The following LRRFIP1 variants were observed in gnomAD, a reference collection of about 807,000 sequenced individuals.
The protein encoded by LRRFIP1 is leucine-rich repeat flightless-interacting protein 1.
Under a neutral mutation model 104.4 loss-of-function variants are expected in LRRFIP1, and 62 were observed. The observed-to-expected ratio is 0.59, with a 90% CI of 0.48 to 0.73. The LOEUF is 0.73. Among genes scored for constraint, LRRFIP1 ranks in the 30% least tolerant of loss-of-function variants. The pLI is 0.00. For missense variants in LRRFIP1, 796 were observed against 824.5 expected, an observed-to-expected ratio of 0.97 and a Z score of 0.42; for synonymous variants, 300 against 299.0, an observed-to-expected ratio of 1.00 and a Z score of -0.03.
At chr2:237,769,052 C>T (rs1244906221) in intron 19 of LRRFIP1, 1 of 152,274 alleles carries the variant, frequency 6.6e-6, no homozygotes, top group African/African-American at 2.4e-5. Flanking sequence ...TGAGCCTCAT[C>T]TATAGAAGGA....
intron 1 of LRRFIP1, among the ~76,000 whole-genome samples, chr2:237,641,846 A>T (rs1030304330): frequency 6.6e-6 from 1 of 152,180 alleles, no homozygotes; most frequent in African/African-American, 2.4e-5. Flanking sequence ...TTTTTGAGTT[A>T]TTTCAGATAA....
intron 7 of LRRFIP1, among the ~76,000 whole-genome samples, chr2:237,725,540 A>G (rs2094711260): frequency 6.6e-6 from 1 of 152,234 alleles, no homozygotes; most frequent in Non-Finnish European, 1.5e-5. Flanking sequence ...AAGAGGAGAA[A>G]GTTAGCAGTG....
chr2:237,751,418 G>A (rs562890167), intron 14 of LRRFIP1, 147 bp downstream of exon 14: 79 of 650,384 alleles, frequency 1.2e-4, no homozygotes, highest in Non-Finnish European at 1.8e-4. Flanking sequence ...AGGAGTGCCG[G>A]CATGGGTGTA....
chr2:237,763,170 A>G (rs1474578054), intron 19 of LRRFIP1: 21 of 1,614,086 alleles, frequency 1.3e-5, no homozygotes, highest in Non-Finnish European at 1.8e-5. Context: ...GAGCCCAAGG[A>G]GGTTCCAGCG....
chr2:237,704,840 G>C (rs1178618149), intron 1 of LRRFIP1, among the ~76,000 whole-genome samples: 1 of 152,192 alleles, frequency 6.6e-6, no homozygotes, highest in Non-Finnish European at 1.5e-5. Context: ...TCCCCATGAG[G>C]AATTGATGCC....
chr2:237,718,880 GTTAAATC>G (rs138389679), intron 4 of LRRFIP1, among the ~76,000 whole-genome samples: 2,281 of 152,106 alleles, frequency 0.015, 20 homozygotes, highest in Non-Finnish European at 0.023. Flanking sequence ...ATGTATTTTT[GTTAAATC>G]TTAAGACATT....
In LRRFIP1 at chr2:237,711,564, ACTT is replaced by A. The variant is rs1478480684; in HGVS notation, c.184-2690_184-2688del. ...CGGCTTCCTCATCACCGATGCCTGC[ACTT>A]CTTCCCTCACGACCGTGGCTTGCGG... On this transcript the variant is annotated intron_variant, in intron 2 of 23. Transcript: ENST00000308482. This position sits in a 1 kb window ranked among gnomAD's most constrained non-coding sequence, Gnocchi z 4.4. Among the ~76,000 whole-genome samples the A allele has an allele frequency of 1.3e-5, 2 of 152,168 alleles. No individual in the cohort carries two copies. Among genetic ancestry groups the A allele is most frequent in the African/African-American group, 4.8e-5 (2 of 41,440 alleles).
chr2:237,671,097 G>A (rs554466637), intron 1 of LRRFIP1, among the ~76,000 whole-genome samples: 15 of 152,186 alleles, frequency 9.9e-5, no homozygotes, highest in Admixed American at 3.9e-4. Flanking sequence ...TGCATATGAA[G>A]AGTCCAGAGA....
chr2:237,730,437 T>C (rs1006349448), intron 8 of LRRFIP1, among the ~76,000 whole-genome samples: 3 of 152,162 alleles, frequency 2.0e-5, no homozygotes, highest in Admixed American at 1.3e-4. Flanking sequence ...GGGACTAGTT[T>C]AGGTAGGAAA....
intron 19 of LRRFIP1, chr2:237,763,452 A>T: frequency 6.2e-7 from 1 of 1,613,448 alleles, no homozygotes; most frequent in Non-Finnish European, 8.5e-7. Context: ...AAGAAGAAAA[A>T]ATCCCCAGTA....
At chr2:237,770,072 C>T in intron 20 of LRRFIP1, 80 bp downstream of exon 20, 1 of 1,110,414 alleles carries the variant, frequency 9.0e-7, no homozygotes, top group Non-Finnish European at 1.3e-6. Context: ...CTTGCTTACT[C>T]AGAAAACCCC....
At chr2:237,654,966 A>T (rs561679224) in intron 1 of LRRFIP1, among the ~76,000 whole-genome samples, 1 of 152,082 alleles carries the variant, frequency 6.6e-6, no homozygotes, top group African/African-American at 2.4e-5. Flanking sequence ...TGTGGTATCG[A>T]GACACAATGG....
In LRRFIP1 at chr2:237,708,563, C is replaced by T. The variant is rs750660868; in HGVS notation, c.116C>T (p.Ala39Val). The part of the protein sequence containing the change: ...IAREAEARLA[A>V]KRAARAEARE... The stretch of plus-strand genomic sequence containing the variant: ...TTTCAGGCGGAAGCCCGGCTCGCTG[C>T]AAAACGGGCGGCCCGCGCGGAGGCT... The change falls in exon 2 of 24, where the codon GCA becomes GTA. Residue 39 changes from alanine to valine, a missense_variant. Ala to Val is a moderately conservative substitution (Grantham distance 64). Coordinates refer to ENST00000308482, the MANE Select transcript of LRRFIP1 (RefSeq NM_001137550.2). The T allele has an allele frequency of 3.8e-6, 6 of 1,587,530 alleles. No homozygotes were observed. The South Asian group carries it at 6.9e-5, about 18-fold the overall frequency.
At chr2:237,657,741 A>T (rs1001978720) in intron 1 of LRRFIP1, among the ~76,000 whole-genome samples, 11 of 152,230 alleles carry the variant, frequency 7.2e-5, no homozygotes, top group Admixed American at 1.3e-4. Flanking sequence ...TTCCATTTTT[A>T]AAAAATGCAA....
chr2:237,657,654 C>A (rs1190619465), intron 1 of LRRFIP1, among the ~76,000 whole-genome samples: 1 of 151,994 alleles, frequency 6.6e-6, no homozygotes, highest in Non-Finnish European at 1.5e-5. Flanking sequence ...AACTGTCATT[C>A]AAAAATAAAA....
chr2:237,762,584 T>G (rs761064164), intron 19 of LRRFIP1: 3 of 1,570,598 alleles, frequency 1.9e-6, no homozygotes, highest in South Asian at 2.4e-5. Flanking sequence ...TCCCTTCAAT[T>G]TTCTCAATGG....
At position 237,780,498 on chromosome 2, in the gene LRRFIP1, G is replaced by A. The variant is rs1232137437; in HGVS notation, c.*966G>A. On this transcript the variant is annotated 3_prime_UTR_variant, in exon 24 of 24. Transcript: ENST00000308482. ...TGCACTTAAAAAGTGAAGTGAAGGA[G>A]GAGGTAACAGTAGAGACGATGGCAA... 6.6e-6 allele frequency among the ~76,000 whole-genome samples: 1 copy of A among 152,212 alleles called. No individual in the cohort carries two copies. Among genetic ancestry groups the A allele is most frequent in the African/African-American group, 2.4e-5 (1 of 41,456 alleles).
chr2:237,666,535 A>G (rs1402280821), intron 1 of LRRFIP1, among the ~76,000 whole-genome samples: 2 of 151,478 alleles, frequency 1.3e-5, no homozygotes, highest in Admixed American at 6.6e-5. Flanking sequence ...TGTCTTTGGT[A>G]TGTTATTCTT....
chr2:237,758,826 G>T lies in LRRFIP1; in HGVS notation c.1317+5G>T. On this transcript the variant is annotated splice_donor_5th_base_variant and intron_variant, in intron 18 of 23. Coordinates refer to ENST00000308482, the MANE Select transcript of LRRFIP1 (RefSeq NM_001137550.2). ...ATGCTGAAAGAGGAATTAAAGGTATGAAGCCAAACTACAGTTTTATTTAAA... is the reference window on the plus strand; with the variant it reads ...ATGCTGAAAGAGGAATTAAAGGTATTAAGCCAAACTACAGTTTTATTTAAA... 1 of 1,596,292 alleles carries T rather than the reference G, an allele frequency of 6.3e-7. No homozygotes were observed.
Sources: gnomAD v4.1 joint callset for allele counts (sites outside exome capture counted in the v4.1 genomes callset) on GRCh38, gnomAD v4.1.1 for gene constraint, Gnocchi (gnomAD v3.1) non-coding constraint, MANE v1.5 for transcripts, NCBI Gene and HGNC (gene_info 2026-07-23, HGNC 2026-07-21) for gene names.